The following PPA2 variants were observed in gnomAD, a reference collection of about 807,000 sequenced individuals.
The protein encoded by PPA2 is inorganic pyrophosphatase 2, mitochondrial.
Under a neutral mutation model 49.5 loss-of-function variants are expected in PPA2, and 48 were observed. The observed-to-expected ratio is 0.97, with a 90% CI of 0.77 to 1.23. The LOEUF (loss-of-function observed/expected upper bound fraction) is 1.23. Ranked by LOEUF, PPA2 falls within the 50% of genes most tolerant of loss-of-function variation. The probability of loss-of-function intolerance (pLI) is 0.00; values close to 1 mark genes in which losing one functional copy is unlikely to be tolerated. For missense variants in PPA2, 429 were observed against 410.1 expected, an observed-to-expected ratio of 1.05 and a Z score of -0.40; for synonymous variants, 131 against 139.9, an observed-to-expected ratio of 0.94 and a Z score of 0.45.
intron 7 of PPA2, among the ~76,000 whole-genome samples, chr4:105,401,572 A>T (rs535523391): frequency 1.3e-5 from 2 of 152,056 alleles, no homozygotes; most frequent in African/African-American, 4.8e-5. Context: ...GATTAGATAT[A>T]TTTTTTTACA....
intron 1 of PPA2, among the ~76,000 whole-genome samples, chr4:105,472,533 A>G (rs1055445428): frequency 2.6e-5 from 4 of 152,116 alleles, no homozygotes; most frequent in African/African-American, 9.7e-5. Flanking sequence ...CCACTTCATA[A>G]TTTTTTCTGA....
chr4:105,462,716 G>C (rs960543950), intron 1 of PPA2, among the ~76,000 whole-genome samples: 2 of 152,188 alleles, frequency 1.3e-5, no homozygotes, highest in African/African-American at 4.8e-5. Context: ...ATTCCCACGT[G>C]TTGTGGGTGG....
chr4:105,442,987 C>A (rs1724436369), intron 5 of PPA2, among the ~76,000 whole-genome samples: 1 of 152,142 alleles, frequency 6.6e-6, no homozygotes, highest in Non-Finnish European at 1.5e-5. Flanking sequence ...AGGCATTAAG[C>A]TGGGTAGTCA....
At chr4:105,398,934 AACCATGC>A in intron 8 of PPA2, 96 bp downstream of exon 8, 1 of 1,217,050 alleles carries the variant, frequency 8.2e-7, no homozygotes. Flanking sequence ...GCACTTTTTT[AACCATGC>A]TATATATACA....
intron 5 of PPA2, among the ~76,000 whole-genome samples, chr4:105,442,037 C>T (rs1275635083): frequency 6.7e-6 from 1 of 149,476 alleles, no homozygotes; most frequent in Non-Finnish European, 1.5e-5. Flanking sequence ...GAGGGTTTCA[C>T]TCTGCCACCC....
intron 7 of PPA2, among the ~76,000 whole-genome samples, chr4:105,419,968 G>A (rs376378192): frequency 6.2e-5 from 9 of 144,630 alleles, no homozygotes; most frequent in African/African-American, 2.0e-4. Context: ...TTTTTTTTTC[G>A]TTTGTTTGTT....
intron 7 of PPA2, among the ~76,000 whole-genome samples, chr4:105,403,412 C>T (rs1278746937): frequency 6.6e-6 from 1 of 152,096 alleles, no homozygotes; most frequent in Non-Finnish European, 1.5e-5. Flanking sequence ...AGTGTGCAGC[C>T]ATGATTTACT....
intron 10 of PPA2, among the ~76,000 whole-genome samples, chr4:105,372,279 T>G (rs996737581): frequency 2.0e-5 from 3 of 152,196 alleles, no homozygotes; most frequent in African/African-American, 7.2e-5. Flanking sequence ...CTTTGGCCCC[T>G]TGGTCTTCTT....
In PPA2 at chr4:105,370,783, T is replaced by C. The variant is rs1053655481; in HGVS notation, c.976+54A>G. 11 of 1,352,298 alleles carry C rather than the reference T, an allele frequency of 8.1e-6. No homozygotes were observed. In the East Asian group the frequency reaches 3.4e-4, roughly 42 times the overall value. The allele number at this position is 1,352,298 out of a possible 1,614,324, so 83.8% of individuals were successfully genotyped here. Reference sequence around the variant, plus strand: ...AGTTTTAGTTTTTGGCTTCCACTACTGTAAACAAATAAATTTATACATGTT... The same window carrying C: ...AGTTTTAGTTTTTGGCTTCCACTACCGTAAACAAATAAATTTATACATGTT... On this transcript the variant is annotated intron_variant, in intron 11 of 11. Transcript: ENST00000341695.
intron 6 of PPA2, among the ~76,000 whole-genome samples, chr4:105,429,221 G>A (rs147848165): frequency 1.9e-3 from 282 of 152,266 alleles, no homozygotes; most frequent in Non-Finnish European, 3.4e-3. Flanking sequence ...TTGGCTAGAA[G>A]TGCATTATTT....
chr4:105,441,420 T>C (rs566113575), intron 5 of PPA2, among the ~76,000 whole-genome samples: 2 of 152,266 alleles, frequency 1.3e-5, no homozygotes, highest in African/African-American at 4.8e-5. Flanking sequence ...AAAAATCTTA[T>C]AATCTAAAAT....
At chr4:105,431,922 A>C (rs1433068177) in intron 6 of PPA2, among the ~76,000 whole-genome samples, 2 of 152,166 alleles carry the variant, frequency 1.3e-5, no homozygotes, top group Admixed American at 1.3e-4. Flanking sequence ...GCCAGGGGCC[A>C]GTTAGAGAAT....
At chr4:105,471,671 G>A (rs1256526710) in intron 1 of PPA2, among the ~76,000 whole-genome samples, 2 of 152,022 alleles carry the variant, frequency 1.3e-5, no homozygotes, top group East Asian at 1.9e-4. Flanking sequence ...CAATTTATTC[G>A]TTGCTTTCCC....
chr4:105,375,361 TCAGACCCTGATTTATGAAGAAAAGG>T (rs1733207416), intron 10 of PPA2, among the ~76,000 whole-genome samples: 2 of 151,534 alleles, frequency 1.3e-5, no homozygotes, highest in African/African-American at 4.8e-5. Flanking sequence ...CTGGTTCTAA[TCAGACCCTGATTTATGAAGAAAAGG>T]CATTATTTAA....
At chr4:105,371,096 T>G (rs933364347) in intron 10 of PPA2, among the ~76,000 whole-genome samples, 2 of 152,214 alleles carry the variant, frequency 1.3e-5, no homozygotes, top group Non-Finnish European at 2.9e-5. Flanking sequence ...GAAAATATTT[T>G]TTATCTTAAC....
At chr4:105,456,259 C>A (rs747920669) in intron 2 of PPA2, 2 of 470,952 alleles carry the variant, frequency 4.2e-6, no homozygotes, top group South Asian at 3.1e-5. Flanking sequence ...AGATCTTAGA[C>A]AAGTCTATAA....
intron 1 of PPA2, among the ~76,000 whole-genome samples, chr4:105,469,161 G>GATAA (rs1396210145): frequency 6.6e-6 from 1 of 152,192 alleles, no homozygotes; most frequent in African/African-American, 2.4e-5. Context: ...GGGGAAAAGA[G>GATAA]ATAAATGATT....
intron 1 of PPA2, among the ~76,000 whole-genome samples, chr4:105,460,858 CAT>C (rs746079683): frequency 6.9e-6 from 1 of 144,938 alleles, no homozygotes; most frequent in African/African-American, 2.8e-5. Flanking sequence ...TGTAAGATCA[CAT>C]ATATATATAG....
At chr4:105,372,710 T>A (rs1238753030) in intron 10 of PPA2, among the ~76,000 whole-genome samples, 2 of 152,180 alleles carry the variant, frequency 1.3e-5, no homozygotes, top group African/African-American at 4.8e-5. Context: ...AACTGCATCA[T>A]CTGCTTTCCT....
Sources: allele counts gnomAD v4.1 joint callset (sites outside exome capture counted in the v4.1 genomes callset), GRCh38; gene constraint gnomAD v4.1.1; transcripts MANE v1.5; gene names NCBI Gene and HGNC (gene_info 2026-07-23, HGNC 2026-07-21).